GET1: variants seen among roughly 807,000 people sequenced by gnomAD.
GET1 encodes the protein congenital heart disease 5 protein.
Under a neutral mutation model 22.6 loss-of-function variants are expected in GET1, and 20 were observed. That is an observed-to-expected ratio of 0.89 (90% CI 0.62 to 1.29). GET1 has a LOEUF of 1.29. GET1 is among the 50% of genes most tolerant of loss of function. The probability of loss-of-function intolerance (pLI) is 0.00; values close to 1 mark genes in which losing one functional copy is unlikely to be tolerated. For synonymous variants in GET1, 92 were observed against 83.8 expected, an observed-to-expected ratio of 1.10 and a Z score of -0.53; for missense variants, 209 against 219.9, an observed-to-expected ratio of 0.95 and a Z score of 0.31.
chr21:39,391,034 T>C, intron 2 of GET1, 171 bp downstream of exon 2: 1 of 641,804 alleles, frequency 1.6e-6, no homozygotes, highest in Non-Finnish European at 2.5e-6. Context: ...TCTTATTTGC[T>C]GGTGAACCTT....
intron 1 of GET1, among the ~76,000 whole-genome samples, chr21:39,413,555 G>T (rs1364984301): frequency 6.6e-6 from 1 of 152,130 alleles, no homozygotes; most frequent in African/African-American, 2.4e-5. Flanking sequence ...ATTATCAGAG[G>T]TACACAAAGG....
downstream of GET1, chr21:39,408,552 G>C (rs1482144531): frequency 1.3e-5 from 2 of 152,366 alleles, no homozygotes; most frequent in Admixed American, 1.3e-4. Context: ...CCAGGGCCTT[G>C]GCCTGTCTTG....
At chr21:39,410,039 CATG>C (rs1328134452), downstream of GET1, 3 of 1,610,362 alleles carry the variant, frequency 1.9e-6, no homozygotes, top group Non-Finnish European at 2.5e-6. Flanking sequence ...TGAGGAATTT[CATG>C]ATTTATTTCA....
chr21:39,402,548 C>T (rs2038866813), downstream of GET1, among the ~76,000 whole-genome samples: 2 of 152,230 alleles, frequency 1.3e-5, no homozygotes, highest in African/African-American at 2.4e-5. Flanking sequence ...ACATATTCGG[C>T]AAATGCCCTT....
intron 1 of GET1, among the ~76,000 whole-genome samples, chr21:39,383,023 T>G (rs945145674): frequency 3.9e-5 from 6 of 152,044 alleles, no homozygotes; most frequent in Non-Finnish European, 7.4e-5. Flanking sequence ...CAGTCTCGGC[T>G]CACTGCAAGC....
intron 1 of GET1, among the ~76,000 whole-genome samples, chr21:39,424,797 C>T (rs1039354060): frequency 1.3e-5 from 2 of 152,162 alleles, no homozygotes; most frequent in African/African-American, 4.8e-5. Flanking sequence ...GGCATGTGTC[C>T]AGGGGTCTAT....
chr21:39,384,396 A>ACATG (rs2037753775), intron 1 of GET1, among the ~76,000 whole-genome samples: 1 of 151,818 alleles, frequency 6.6e-6, no homozygotes, highest in African/African-American at 2.4e-5. Context: ...AGCTGGGATT[A>ACATG]CATGCATGCA....
intron 1 of GET1, among the ~76,000 whole-genome samples, chr21:39,387,111 C>T (rs1001306021): frequency 6.6e-6 from 1 of 152,230 alleles, no homozygotes; most frequent in Non-Finnish European, 1.5e-5. Flanking sequence ...CTTCCCGCGT[C>T]AGTCTCCGAA....
At chr21:39,406,996 G>T (rs1289102375), downstream of GET1, among the ~76,000 whole-genome samples, 1 of 152,184 alleles carries the variant, frequency 6.6e-6, no homozygotes, top group Non-Finnish European at 1.5e-5. Flanking sequence ...GGAGGCTGAG[G>T]CAGGAGGACT....
At chr21:39,397,919 T>TCTGCAA (rs1569045137), downstream of GET1, 2 of 152,204 alleles carry the variant, frequency 1.3e-5, no homozygotes, top group Non-Finnish European at 2.9e-5. Context: ...TGTACTCTTT[T>TCTGCAA]GTTTCCTAAT....
chr21:39,400,512 T>C (rs953843461), downstream of GET1, among the ~76,000 whole-genome samples: 1 of 152,192 alleles, frequency 6.6e-6, no homozygotes, highest in African/African-American at 2.4e-5. Context: ...TAGAGCCGTG[T>C]ATGGAGTCTG....
chr21:39,404,833 A>ATT (rs1302762040), intron 4 of GET1, among the ~76,000 whole-genome samples: 3 of 136,834 alleles, frequency 2.2e-5, no homozygotes, highest in East Asian at 4.3e-4. Context: ...ACATATATGT[A>ATT]TTTTTTTTTT....
chr21:39,404,833 ATT>A (rs1302762040), intron 4 of GET1, among the ~76,000 whole-genome samples: 9 of 136,750 alleles, frequency 6.6e-5, no homozygotes, highest in Non-Finnish European at 3.2e-5. Flanking sequence ...ACATATATGT[ATT>A]TTTTTTTTTT....
intron 1 of GET1, chr21:39,413,745 C>T (rs911122240): frequency 1.3e-5 from 2 of 152,166 alleles, no homozygotes; most frequent in Non-Finnish European, 2.9e-5. Flanking sequence ...ATGAAGGATA[C>T]TGTGTAAAAC....
intron 1 of GET1, among the ~76,000 whole-genome samples, chr21:39,425,016 A>G (rs2074411598): frequency 1.3e-5 from 2 of 152,220 alleles, no homozygotes; most frequent in Admixed American, 1.3e-4. Flanking sequence ...CTAGTGCCCC[A>G]CAGGTGTGTG....
chr21:39,411,768 T>C (rs888755296), intron 1 of GET1: 25 of 1,590,448 alleles, frequency 1.6e-5, no homozygotes, highest in Non-Finnish European at 2.0e-5. Context: ...TCGATGACTA[T>C]AGATGTTTTT....
At position 39,420,647 on chromosome 21, in the gene GET1, T is replaced by C. The variant is rs111345380; in HGVS notation, c.*24-7585T>C. ...CACTTAAAGATATAATAGACATAAA[T>C]AGCTCATATATTTCGGGAAACAGGA... On this transcript the variant is annotated intron_variant, in intron 1 of 1. Transcript: ENST00000478273. The C allele has an allele frequency of 1.7e-3, 2,391 of 1,433,316 alleles. 32 individuals are homozygous for C. The African/African-American group carries it at 0.027, about 16-fold the overall frequency. 88.8% of individuals were successfully genotyped at this position (1,433,316 alleles called of 1,614,324 possible).
At chr21:39,399,373 AG>A (rs1325233500), downstream of GET1, among the ~76,000 whole-genome samples, 12 of 152,314 alleles carry the variant, frequency 7.9e-5, no homozygotes, top group Non-Finnish European at 1.5e-4. Context: ...GACTGGCGTT[AG>A]CATCTGTGCT....
intron 4 of GET1, among the ~76,000 whole-genome samples, chr21:39,405,638 C>A: frequency 6.6e-6 from 1 of 152,088 alleles, no homozygotes; most frequent in East Asian, 1.9e-4. Context: ...AACCAGTCTT[C>A]CAGAAGATAA....
Sources: gnomAD v4.1 joint callset for allele counts (sites outside exome capture counted in the v4.1 genomes callset) on GRCh38, gnomAD v4.1.1 for gene constraint, MANE v1.5 for transcripts, NCBI Gene and HGNC (gene_info 2026-07-23, HGNC 2026-07-21) for gene names.